The following SCD5 variants were observed in gnomAD, a reference collection of about 807,000 sequenced individuals.
The protein encoded by SCD5 is stearoyl-CoA desaturase 5.
In SCD5, 20 loss-of-function variants were observed where a neutral mutation model predicts 30.4. The ratio of observed to expected loss-of-function variants is 0.66; its 90% CI spans 0.46 to 0.96. SCD5 has a LOEUF of 0.96. Among genes scored for constraint, SCD5 ranks in the 40% least tolerant of loss-of-function variants. The probability of loss-of-function intolerance (pLI) is 0.00; values close to 1 mark genes in which losing one functional copy is unlikely to be tolerated. For synonymous variants in SCD5, 173 were observed against 176.4 expected (o/e 0.98, Z 0.16); for missense variants, 381 against 443.3 (o/e 0.86, Z 1.26).
rs185164448 is a variant in SCD5, at chr4:82,719,114, T to C, written c.233-13701A>G. 2.8e-4 allele frequency among the ~76,000 whole-genome samples: 42 copies of C among 151,806 alleles called. 1 individual carries two copies. In the East Asian group the frequency reaches 7.2e-3, roughly 26 times the overall value. ...AAAAAACTGATCCAACAATTAAAAA[T>C]AGGGAATTTCAAATTTTAAAATCTC... is the stretch of plus-strand genomic sequence containing the variant. On this transcript the variant is annotated intron_variant, in intron 1 of 4. Transcript: ENST00000319540.
rs146195449 is a variant in SCD5, at chr4:82,713,221, C to T, written c.233-7808G>A. ...GAGGATACATTTCATGCCTTTTATACATATTGCTTATTTTCCTCAAGTGTC... is the reference window on the plus strand; with the variant it reads ...GAGGATACATTTCATGCCTTTTATATATATTGCTTATTTTCCTCAAGTGTC... On this transcript the variant is annotated intron_variant, in intron 1 of 4. Transcript: ENST00000319540. 5.9e-5 allele frequency among the ~76,000 whole-genome samples: 9 copies of T among 152,288 alleles called. No individual in the cohort carries two copies. The East Asian group carries it at 1.7e-3, about 29-fold the overall frequency.
intron 1 of SCD5, among the ~76,000 whole-genome samples, chr4:82,744,931 T>G: frequency 6.6e-6 from 1 of 151,818 alleles, no homozygotes. Context: ...AAAGCTGAGG[T>G]GGGAAAGTAA....
chr4:82,730,529 A>C (rs536705470), intron 1 of SCD5, among the ~76,000 whole-genome samples: 33 of 148,522 alleles, frequency 2.2e-4, no homozygotes, highest in South Asian at 6.4e-4. Context: ...ATCTCCTGAC[A>C]TCATGATCCG....
At chr4:82,739,719 TAG>T (rs1720833511) in intron 1 of SCD5, among the ~76,000 whole-genome samples, 1 of 152,226 alleles carries the variant, frequency 6.6e-6, no homozygotes, top group African/African-American at 2.4e-5. Context: ...AGGAAGCACG[TAG>T]AGTTAGACGC....
At chr4:82,644,399 A>G (rs1236561126) in intron 3 of SCD5, among the ~76,000 whole-genome samples, 6 of 152,210 alleles carry the variant, frequency 3.9e-5, no homozygotes, top group African/African-American at 1.4e-4. Context: ...CCAGCTTCTA[A>G]GGTAACCAGA....
chr4:82,761,163 T>C (rs879590717), intron 1 of SCD5, among the ~76,000 whole-genome samples: 28 of 152,350 alleles, frequency 1.8e-4, no homozygotes, highest in Middle Eastern at 6.8e-3. Flanking sequence ...TATCAAAGTC[T>C]AGCAGCAGGA....
At chr4:82,742,354 G>A (rs1041031895) in intron 1 of SCD5, among the ~76,000 whole-genome samples, 2 of 152,178 alleles carry the variant, frequency 1.3e-5, no homozygotes, top group Non-Finnish European at 2.9e-5. Context: ...GAGAGCTGGT[G>A]TGAGGTCTGA....
chr4:82,796,791 T>C (rs928894413), intron 1 of SCD5, among the ~76,000 whole-genome samples: 4 of 152,106 alleles, frequency 2.6e-5, no homozygotes, highest in African/African-American at 9.7e-5. Flanking sequence ...ATAAGGGCTT[T>C]GGTTGGCAGT....
At chr4:82,718,351 T>C (rs1720277276) in intron 1 of SCD5, among the ~76,000 whole-genome samples, 1 of 151,788 alleles carries the variant, frequency 6.6e-6, no homozygotes. Context: ...GGAAAGCCTC[T>C]TGGGAGGAGC....
intron 2 of SCD5, among the ~76,000 whole-genome samples, chr4:82,685,035 T>A (rs1157566988): frequency 3.9e-5 from 6 of 152,238 alleles, no homozygotes. Flanking sequence ...AATTTGCAAC[T>A]TAGAGTTTAT....
chr4:82,665,079 T>C (rs1376307038), intron 3 of SCD5, among the ~76,000 whole-genome samples: 7 of 91,214 alleles, frequency 7.7e-5, no homozygotes, highest in African/African-American at 3.1e-4. Flanking sequence ...TATATATATT[T>C]TTTTTTTAAT....
At chr4:82,664,380 C>T (rs1291481349) in intron 3 of SCD5, among the ~76,000 whole-genome samples, 1 of 152,154 alleles carries the variant, frequency 6.6e-6, no homozygotes, top group African/African-American at 2.4e-5. Context: ...TTACCTTGGT[C>T]TTTCTGTTCT....
intron 1 of SCD5, among the ~76,000 whole-genome samples, chr4:82,774,298 A>T (rs75468704): frequency 1.6e-5 from 2 of 124,496 alleles, no homozygotes; most frequent in South Asian, 2.6e-4. Flanking sequence ...TACTGCCATT[A>T]AAAAAAAATC....
intron 1 of SCD5, among the ~76,000 whole-genome samples, chr4:82,711,757 G>C (rs1377296742): frequency 6.6e-6 from 1 of 151,916 alleles, no homozygotes. Context: ...ATAGTGACAA[G>C]GTAGAGAATC....
chr4:82,718,696 T>C (rs1177572508), intron 1 of SCD5, among the ~76,000 whole-genome samples: 1 of 151,850 alleles, frequency 6.6e-6, no homozygotes, highest in Non-Finnish European at 1.5e-5. Context: ...GTTCTCTAGT[T>C]AGGGACTGCA....
At chr4:82,771,513 A>G (rs1721621643) in intron 1 of SCD5, among the ~76,000 whole-genome samples, 1 of 152,226 alleles carries the variant, frequency 6.6e-6, no homozygotes, top group Non-Finnish European at 1.5e-5. Context: ...CTTTCACAGC[A>G]ACCCTACTAG....
At chr4:82,731,482 G>A (rs1720642165) in intron 1 of SCD5, among the ~76,000 whole-genome samples, 1 of 152,218 alleles carries the variant, frequency 6.6e-6, no homozygotes, top group South Asian at 2.1e-4. Flanking sequence ...GACTTGGGCT[G>A]GGAGACCCCG....
intron 2 of SCD5, among the ~76,000 whole-genome samples, chr4:82,698,529 C>T (rs548697589): frequency 3.6e-4 from 55 of 152,362 alleles, no homozygotes; most frequent in Non-Finnish European, 4.3e-4. Context: ...ATGTCACTCC[C>T]TGCCTAAGAC....
chr4:82,680,346 T>C (rs1353821705), intron 3 of SCD5, among the ~76,000 whole-genome samples: 1 of 152,150 alleles, frequency 6.6e-6, no homozygotes, highest in Non-Finnish European at 1.5e-5. Flanking sequence ...TAGAGTCAAG[T>C]GTGTCACTAA....
Sources: gnomAD v4.1 joint callset for allele counts (sites outside exome capture counted in the v4.1 genomes callset) on GRCh38, gnomAD v4.1.1 for gene constraint, MANE v1.5 for transcripts, NCBI Gene and HGNC (gene_info 2026-07-23, HGNC 2026-07-21) for gene names.